The following PHTF1 variants were observed in gnomAD, a reference collection of about 807,000 sequenced individuals.
The protein encoded by PHTF1 is protein PHTF1.
A neutral mutation model predicts 102.4 loss-of-function variants in PHTF1; 88 were observed. The ratio of observed to expected loss-of-function variants is 0.86; its 90% CI spans 0.72 to 1.03. The LOEUF is 1.03. PHTF1 is among the 50% of genes least tolerant of loss of function. The pLI is 0.00. For missense variants in PHTF1, 814 were observed against 909.5 expected (o/e 0.89, Z 1.35); for synonymous variants, 289 against 305.2 (o/e 0.95, Z 0.55).
At chr1:113,704,205 T>C (rs1649780957) in intron 14 of PHTF1, 38 bp from the exon 15 acceptor site, 2 of 1,306,348 alleles carry the variant, frequency 1.5e-6, no homozygotes, top group Non-Finnish European at 2.2e-6. Context: ...TTTTAGTTAC[T>C]GGCAGACAGC....
In PHTF1 at chr1:113,750,266, CG is replaced by C. The variant is rs1262816240; in HGVS notation, c.102+7432del. Among the ~76,000 whole-genome samples, 3 of 151,964 alleles carry C rather than the reference CG, an allele frequency of 2.0e-5. No homozygotes were observed. In the East Asian group the frequency reaches 5.8e-4, roughly 29 times the overall value. Reference sequence around the variant, plus strand: ...AGAGTGCTGGGATTATAGGCGTGAGCGACCACGCATGGCCTCAAACTGTCAT... The same window carrying C: ...AGAGTGCTGGGATTATAGGCGTGAGCACCACGCATGGCCTCAAACTGTCAT... On this transcript the variant is annotated intron_variant, in intron 3 of 18. Transcript: ENST00000369604.
At chr1:113,713,828 A>C (rs1303586508) in intron 7 of PHTF1, 1 of 169,288 alleles carries the variant, frequency 5.9e-6, no homozygotes, top group East Asian at 1.8e-4. Flanking sequence ...CTGGGTGGCC[A>C]GGGAGTGCAT....
chr1:113,717,760 C>T (rs1652297793), intron 7 of PHTF1, among the ~76,000 whole-genome samples: 1 of 152,076 alleles, frequency 6.6e-6, no homozygotes, highest in African/African-American at 2.4e-5. Flanking sequence ...CTGATAAACC[C>T]ATCAGATCTC....
At chr1:113,757,452 A>G (rs1047113937) in intron 3 of PHTF1, among the ~76,000 whole-genome samples, 4 of 152,252 alleles carry the variant, frequency 2.6e-5, no homozygotes, top group Non-Finnish European at 5.9e-5. Flanking sequence ...AAGTAACCCC[A>G]GCCCTATTTA....
At chr1:113,755,977 G>A (rs1461852587) in intron 3 of PHTF1, among the ~76,000 whole-genome samples, 15 of 151,028 alleles carry the variant, frequency 9.9e-5, no homozygotes, top group Admixed American at 4.6e-4. Flanking sequence ...TGAGGCAGGA[G>A]AATGGTGTGA....
At chr1:113,700,012 A>T in intron 16 of PHTF1, 2 of 984,294 alleles carry the variant, frequency 2.0e-6, no homozygotes, top group Non-Finnish European at 2.6e-6. Flanking sequence ...ATGAAAAATT[A>T]ATGATGAAGC....
At chr1:113,750,201 G>A (rs1401495287) in intron 3 of PHTF1, among the ~76,000 whole-genome samples, 1 of 151,920 alleles carries the variant, frequency 6.6e-6, no homozygotes, top group East Asian at 1.9e-4. Flanking sequence ...GCCCAGGCTG[G>A]TCCCAAACTC....
chr1:113,737,685 G>C (rs1348435223), intron 5 of PHTF1, among the ~76,000 whole-genome samples: 1 of 152,192 alleles, frequency 6.6e-6, no homozygotes, highest in Non-Finnish European at 1.5e-5. Context: ...TGTAGTGCCA[G>C]CTACTTGGGT....
intron 7 of PHTF1, among the ~76,000 whole-genome samples, chr1:113,718,700 C>T (rs548867727): frequency 9.8e-5 from 15 of 152,346 alleles, no homozygotes; most frequent in Non-Finnish European, 1.9e-4. Context: ...GAGCGTCCAC[C>T]CTCTGAAGCC....
intron 5 of PHTF1, among the ~76,000 whole-genome samples, chr1:113,731,290 G>A (rs1234923172): frequency 6.6e-6 from 1 of 152,174 alleles, no homozygotes; most frequent in African/African-American, 2.4e-5. Context: ...TTGGGAGGTT[G>A]AGGCAGGAAG....
Position 113,720,411 on chromosome 1 carries a change from T to C in PHTF1, c.623+4348A>G, listed in dbSNP as rs374220618. 6.3e-4 allele frequency among the ~76,000 whole-genome samples: 96 copies of C among 151,520 alleles called. 1 individual carries two copies. The South Asian group carries it at 0.012, about 19-fold the overall frequency. ...CAAATAGAAAAACCAACAAAAAAAA[T>C]TGGACTTAATCTACACTACAGACCA... On this transcript the variant is annotated intron_variant, in intron 7 of 18. Transcript: ENST00000369604.
chr1:113,747,370 T>C (rs915570761), intron 3 of PHTF1, among the ~76,000 whole-genome samples: 9 of 152,226 alleles, frequency 5.9e-5, no homozygotes, highest in African/African-American at 1.9e-4. Flanking sequence ...CTCTGTTACA[T>C]ATCTGCTTCC....
intron 16 of PHTF1, chr1:113,700,072 CAT>C: frequency 2.7e-6 from 3 of 1,105,582 alleles, no homozygotes; most frequent in Non-Finnish European, 3.3e-6. Flanking sequence ...TGCAACATAA[CAT>C]AATTAGCACG....
chr1:113,759,697 A>G (rs1455017088), upstream of PHTF1, among the ~76,000 whole-genome samples: 2 of 152,246 alleles, frequency 1.3e-5, no homozygotes, highest in African/African-American at 4.8e-5. Context: ...CCTCAGCTTA[A>G]AAGTCACTTC....
chr1:113,748,847 C>T (rs1177879746), intron 3 of PHTF1, among the ~76,000 whole-genome samples: 2 of 152,108 alleles, frequency 1.3e-5, no homozygotes, highest in Non-Finnish European at 2.9e-5. Flanking sequence ...TGAATTTATT[C>T]TGATTATTTT....
chr1:113,738,572 A>G (rs1655875571), intron 4 of PHTF1, among the ~76,000 whole-genome samples, 158 bp downstream of exon 4: 1 of 152,220 alleles, frequency 6.6e-6, no homozygotes, highest in South Asian at 2.1e-4. Flanking sequence ...AGAGTCACAC[A>G]GTACTAAGAG....
At chr1:113,713,148 T>A (rs1424364231) in intron 8 of PHTF1, 131 bp downstream of exon 8, 3 of 756,478 alleles carry the variant, frequency 4.0e-6, no homozygotes, top group Non-Finnish European at 4.5e-6. Flanking sequence ...CTTCTTTTCA[T>A]ATCCTGTGGT....
chr1:113,706,839 CT>C, intron 11 of PHTF1, 117 bp from the exon 12 acceptor site: 2 of 467,750 alleles, frequency 4.3e-6, no homozygotes, highest in Non-Finnish European at 7.2e-6. Context: ...AATGCTGGTC[CT>C]TTCTTTCTTT....
chr1:113,708,334 G>C (rs1650521233), intron 11 of PHTF1, among the ~76,000 whole-genome samples: 2 of 152,186 alleles, frequency 1.3e-5, no homozygotes, highest in Admixed American at 1.3e-4. Context: ...AGGGTGGAAA[G>C]AATGGGGCCA....
Sources: gnomAD v4.1 joint callset for allele counts (sites outside exome capture counted in the v4.1 genomes callset) on GRCh38, gnomAD v4.1.1 for gene constraint, MANE v1.5 for transcripts, NCBI Gene and HGNC (gene_info 2026-07-23, HGNC 2026-07-21) for gene names.